Variants in BNC2 observed in about 807,000 individuals in gnomAD.
BNC2 encodes the protein zinc finger protein basonuclin-2.
BNC2 carries 20 observed loss-of-function variants against 76.3 expected under a neutral mutation model. The ratio of observed to expected loss-of-function variants is 0.26; its 90% CI spans 0.18 to 0.38. BNC2 has a LOEUF of 0.38. Ranked by LOEUF, BNC2 falls within the 10% of genes least tolerant of loss-of-function variation. The pLI is 1.00. For synonymous variants in BNC2, 582 were observed against 514.8 expected, an observed-to-expected ratio of 1.13 and a Z score of -1.77; for missense variants, 1,382 against 1,399.8, an observed-to-expected ratio of 0.99 and a Z score of 0.20.
intron 4 of BNC2, among the ~76,000 whole-genome samples, chr9:16,565,497 T>C (rs1470340610): frequency 6.6e-6 from 1 of 152,234 alleles, no homozygotes; most frequent in East Asian, 1.9e-4. Context: ...GTTAATACAC[T>C]AGTGAAGAAA....
rs181232012 is a variant in BNC2 at position 16,566,059 on chromosome 9, T to C, written c.434-13294A>G. Among the ~76,000 whole-genome samples the C allele has an allele frequency of 5.9e-5, 9 of 152,282 alleles. No individual in the cohort carries two copies. In the East Asian group the frequency reaches 1.7e-3, roughly 29 times the overall value. ...TTCAAGTGTCTTTCTTCTTTCTTATTAACTCCTCTAACTACCTTTTCTTTC... is the reference window on the plus strand; with the variant it reads ...TTCAAGTGTCTTTCTTCTTTCTTATCAACTCCTCTAACTACCTTTTCTTTC... On this transcript the variant is annotated intron_variant, in intron 4 of 6. Transcript: ENST00000380672.
chr9:16,818,190 G>C (rs904799803), intron 1 of BNC2, among the ~76,000 whole-genome samples: 3 of 152,120 alleles, frequency 2.0e-5, no homozygotes, highest in African/African-American at 7.2e-5. Context: ...AGATCACGAG[G>C]TCAGGAAATC....
At chr9:16,438,840 G>A (rs1438462587) in intron 5 of BNC2, among the ~76,000 whole-genome samples, 1 of 152,010 alleles carries the variant, frequency 6.6e-6, no homozygotes, top group Non-Finnish European at 1.5e-5. Flanking sequence ...TGTTCCGCTT[G>A]TTAGGACACA....
chr9:16,685,685 C>A, intron 3 of BNC2: 1 of 1,173,738 alleles, frequency 8.5e-7, no homozygotes, highest in Admixed American at 2.3e-5. Context: ...GAACTGCACA[C>A]AGTCACACTT....
chr9:16,533,998 T>A (rs1208924683), intron 5 of BNC2, among the ~76,000 whole-genome samples: 2 of 152,188 alleles, frequency 1.3e-5, no homozygotes, highest in Non-Finnish European at 2.9e-5. Context: ...TTTAAAAACA[T>A]CCACGTCTAC....
At chr9:16,627,876 G>A (rs1311015795) in intron 3 of BNC2, among the ~76,000 whole-genome samples, 1 of 152,132 alleles carries the variant, frequency 6.6e-6, no homozygotes, top group Non-Finnish European at 1.5e-5. Context: ...GAGAAAAAGA[G>A]CTCAGTGTTG....
Position 16,428,748 on chromosome 9 carries a change from C to T in BNC2, c.2639+6807G>A, listed in dbSNP as rs79416708. 8.4e-3 allele frequency among the ~76,000 whole-genome samples: 1,279 copies of T among 151,984 alleles called. 13 individuals carry two copies. The highest frequency in any genetic ancestry group is 0.029 in the African/African-American group (1,193 of 41,440). ...AACTAGAAGTGGGTAACATTTTTCC[C>T]CCTAGTTAATAAAAGAAGTAATAAA... is the stretch of plus-strand genomic sequence containing the variant. On this transcript the variant is annotated intron_variant, in intron 6 of 6. Transcript: ENST00000380672.
chr9:16,568,484 A>T (rs1819227968), intron 4 of BNC2, among the ~76,000 whole-genome samples: 1 of 152,130 alleles, frequency 6.6e-6, no homozygotes, highest in African/African-American at 2.4e-5. Context: ...AGCACACTAT[A>T]CCCAATATAA....
At chr9:16,679,927 A>C (rs769869047) in intron 3 of BNC2, among the ~76,000 whole-genome samples, 23 of 152,226 alleles carry the variant, frequency 1.5e-4, no homozygotes, top group Non-Finnish European at 2.9e-4. Context: ...TCCTCAGGGA[A>C]AGTCAGAACA....
chr9:16,743,354 C>T (rs1824905859), intron 1 of BNC2, among the ~76,000 whole-genome samples: 1 of 152,076 alleles, frequency 6.6e-6, no homozygotes, highest in South Asian at 2.1e-4. Context: ...AGCCTACAGA[C>T]ACCCTGTGCT....
chr9:16,444,030 TAACTC>T (rs1821182156), intron 5 of BNC2, among the ~76,000 whole-genome samples: 1 of 152,202 alleles, frequency 6.6e-6, no homozygotes, highest in African/African-American at 2.4e-5. Context: ...CTCACACACA[TAACTC>T]AACATGTACA....
intron 5 of BNC2, among the ~76,000 whole-genome samples, chr9:16,455,376 T>C (rs1821424833): frequency 6.6e-6 from 1 of 152,138 alleles, no homozygotes; most frequent in South Asian, 2.1e-4. Context: ...TTTGAATATA[T>C]CCATTTAATT....
intron 3 of BNC2, among the ~76,000 whole-genome samples, chr9:16,648,375 A>T (rs1471867962): frequency 6.6e-6 from 1 of 152,240 alleles, no homozygotes; most frequent in African/African-American, 2.4e-5. Context: ...GAAATGACAG[A>T]GGGCTAAATA....
chr9:16,693,295 A>C (rs1459553664), intron 3 of BNC2, among the ~76,000 whole-genome samples: 4 of 152,168 alleles, frequency 2.6e-5, no homozygotes, highest in African/African-American at 4.8e-5. Context: ...TTAAAAAGTA[A>C]AGAGTTTCCA....
At chr9:16,665,434 A>AAAAGAAAAG (rs1554702390) in intron 3 of BNC2, among the ~76,000 whole-genome samples, 1 of 116,098 alleles carries the variant, frequency 8.6e-6, no homozygotes, top group Non-Finnish European at 1.7e-5. Context: ...GAAAGGAAAG[A>AAAAGAAAAG]AAAGAAAGAA....
intron 1 of BNC2, among the ~76,000 whole-genome samples, chr9:16,780,611 G>T (rs1826126061): frequency 6.6e-6 from 1 of 151,948 alleles, no homozygotes; most frequent in Admixed American, 6.6e-5. Context: ...TATATTATGG[G>T]AATTACATTT....
In BNC2 at chr9:16,575,430, G is replaced by A. The variant is rs141489723; in HGVS notation, c.433+7553C>T. ...ATAGCTAGGAAAAAAAGAAAATCTG[G>A]GGAGCTAATAGGCAGACAGCCCAGG... On this transcript the variant is annotated intron_variant, in intron 4 of 6. Coordinates refer to ENST00000380672, the MANE Select transcript of BNC2 (RefSeq NM_017637.6). 9.5e-4 allele frequency: 932 copies of A among 985,352 alleles called. 11 individuals carry two copies. The African/African-American group carries it at 0.015, about 16-fold the overall frequency. The allele number at this position is 985,352 out of a possible 1,614,324, so 61.0% of individuals were successfully genotyped here.
At chr9:16,444,068 C>T (rs1467641611) in intron 5 of BNC2, among the ~76,000 whole-genome samples, 1 of 152,198 alleles carries the variant, frequency 6.6e-6, no homozygotes, top group Non-Finnish European at 1.5e-5. Context: ...TTATAAGCCA[C>T]CTTACTCCTT....
chr9:16,479,229 G>C (rs1332882101), intron 5 of BNC2, among the ~76,000 whole-genome samples: 2 of 139,722 alleles, frequency 1.4e-5, no homozygotes, highest in Admixed American at 7.7e-5. Flanking sequence ...CAGCCTGGGC[G>C]ACAGAACGAG....
Sources: allele counts gnomAD v4.1 joint callset (sites outside exome capture counted in the v4.1 genomes callset), GRCh38; gene constraint gnomAD v4.1.1; transcripts MANE v1.5; gene names NCBI Gene and HGNC (gene_info 2026-07-23, HGNC 2026-07-21).